Variants in GRIK2 observed in about 807,000 individuals in gnomAD.
GRIK2 encodes the protein glutamate receptor ionotropic, kainate 2.
GRIK2 carries 32 observed loss-of-function variants against 100.3 expected under a neutral mutation model. The observed-to-expected ratio is 0.32, with a 90% CI of 0.24 to 0.43. The LOEUF (loss-of-function observed/expected upper bound fraction) is 0.43, where lower values mean the gene tolerates loss of function less well. Ranked by LOEUF, GRIK2 falls within the 20% of genes least tolerant of loss-of-function variation. The pLI is 1.00. For missense variants in GRIK2, 843 were observed against 1,114.9 expected, an observed-to-expected ratio of 0.76 and a Z score of 3.47; for synonymous variants, 417 against 389.4, an observed-to-expected ratio of 1.07 and a Z score of -0.83.
At chr6:101,540,947 T>C (rs568003461) in intron 2 of GRIK2, among the ~76,000 whole-genome samples, 1 of 151,946 alleles carries the variant, frequency 6.6e-6, no homozygotes, top group South Asian at 2.1e-4. Context: ...ATTTAAGTAG[T>C]GCAAGCAAGA....
At chr6:101,701,915 C>T (rs1002415534) in intron 7 of GRIK2, among the ~76,000 whole-genome samples, 1 of 151,996 alleles carries the variant, frequency 6.6e-6, no homozygotes, top group East Asian at 1.9e-4. Flanking sequence ...TCTTAACCCA[C>T]CTTCCCCTAA....
intron 4 of GRIK2, among the ~76,000 whole-genome samples, chr6:101,629,348 G>T (rs1047139784): frequency 6.6e-6 from 1 of 151,958 alleles, no homozygotes; most frequent in African/African-American, 2.4e-5. Flanking sequence ...AAAACATATT[G>T]CTGTTCCATT....
intron 2 of GRIK2, among the ~76,000 whole-genome samples, chr6:101,556,044 A>G (rs1171802275): frequency 6.6e-6 from 1 of 152,078 alleles, no homozygotes; most frequent in Admixed American, 6.6e-5. Context: ...TTTTGTCAGT[A>G]GGCTCTCTTG....
intron 14 of GRIK2, among the ~76,000 whole-genome samples, chr6:102,018,357 C>A (rs376338156): frequency 6.6e-6 from 1 of 152,040 alleles, no homozygotes; most frequent in African/African-American, 2.4e-5. Context: ...TTTTCCTTCT[C>A]GCCAAATATG....
At chr6:101,808,120 C>G (rs1442954470) in intron 9 of GRIK2, among the ~76,000 whole-genome samples, 2 of 151,820 alleles carry the variant, frequency 1.3e-5, no homozygotes, top group Non-Finnish European at 2.9e-5. Context: ...AAGACCAGCT[C>G]TAGAGGGAAG....
chr6:101,529,574 GA>G (rs1775324541), intron 2 of GRIK2, among the ~76,000 whole-genome samples: 1 of 151,810 alleles, frequency 6.6e-6, no homozygotes, highest in Admixed American at 6.6e-5. Context: ...TCTATTTTTT[GA>G]TATTCATTAA....
At chr6:101,700,023 G>C (rs1390651209) in intron 7 of GRIK2, among the ~76,000 whole-genome samples, 1 of 151,836 alleles carries the variant, frequency 6.6e-6, no homozygotes, top group African/African-American at 2.4e-5. Flanking sequence ...AGTTTCACAC[G>C]CATGTAGTCC....
chr6:101,551,014 C>T (rs1428877539), intron 2 of GRIK2, among the ~76,000 whole-genome samples: 3 of 152,122 alleles, frequency 2.0e-5, no homozygotes, highest in Non-Finnish European at 4.4e-5. Flanking sequence ...CTAATGGAGC[C>T]TCAGCCTCAC....
chr6:101,726,885 T>C lies in GRIK2; in HGVS notation c.951+40532T>C, dbSNP rs568017338. Among the ~76,000 whole-genome samples, 29 of 152,162 alleles carry C rather than the reference T, an allele frequency of 1.9e-4. No individual in the cohort carries two copies. The South Asian group carries it at 5.6e-3, about 29-fold the overall frequency. ...TCTCCACAACATAGGAATCAAGTCATGAAAGCAGACAAAGTGATACTATAT... is the reference window on the plus strand; with the variant it reads ...TCTCCACAACATAGGAATCAAGTCACGAAAGCAGACAAAGTGATACTATAT... On this transcript the variant is annotated intron_variant, in intron 7 of 16. Transcript: ENST00000369134.
intron 10 of GRIK2, among the ~76,000 whole-genome samples, chr6:101,826,339 T>C (rs1294960060): frequency 2.0e-5 from 3 of 152,014 alleles, no homozygotes; most frequent in Non-Finnish European, 4.4e-5. Flanking sequence ...TTCTTGGGAA[T>C]GCATTAGATA....
At chr6:101,519,333 G>A (rs1291762825) in intron 2 of GRIK2, among the ~76,000 whole-genome samples, 2 of 149,934 alleles carry the variant, frequency 1.3e-5, no homozygotes, top group Non-Finnish European at 2.9e-5. Context: ...GTGTGTGTGT[G>A]TGTGTGTGTG....
intron 7 of GRIK2, among the ~76,000 whole-genome samples, chr6:101,717,220 C>G (rs1774136297): frequency 6.6e-6 from 1 of 151,464 alleles, no homozygotes; most frequent in African/African-American, 2.4e-5. Context: ...ACAATGAAAG[C>G]AGAGAAAAAA....
chr6:101,896,345 C>T (rs1349882522), intron 12 of GRIK2, among the ~76,000 whole-genome samples: 1 of 151,666 alleles, frequency 6.6e-6, no homozygotes, highest in Non-Finnish European at 1.5e-5. Flanking sequence ...TATTTTCCAC[C>T]TCTCAATTTT....
chr6:101,716,417 C>A (rs1774071216), intron 7 of GRIK2, among the ~76,000 whole-genome samples: 1 of 151,302 alleles, frequency 6.6e-6, no homozygotes, highest in Admixed American at 6.6e-5. Context: ...AATATTTAGT[C>A]TTGTTTAAAT....
intron 11 of GRIK2, among the ~76,000 whole-genome samples, chr6:101,884,043 A>T (rs541770710): frequency 6.6e-6 from 1 of 152,084 alleles, no homozygotes; most frequent in Non-Finnish European, 1.5e-5. Context: ...CCATTGTAAG[A>T]GTTCAGGCAA....
At chr6:101,566,434 CTTTCTCCTTTAAAAAAT>C (rs1777280766) in intron 2 of GRIK2, among the ~76,000 whole-genome samples, 1 of 151,942 alleles carries the variant, frequency 6.6e-6, no homozygotes. Flanking sequence ...TGTATGCAGA[CTTTCTCCTTTAAAAAAT>C]TTTCTCCTTT....
intron 2 of GRIK2, among the ~76,000 whole-genome samples, chr6:101,553,322 TA>T (rs1226128506): frequency 6.6e-6 from 1 of 152,216 alleles, no homozygotes; most frequent in Non-Finnish European, 1.5e-5. Context: ...AGAGTTACTT[TA>T]AAATGTGTTA....
At chr6:102,050,670 G>A (rs1469663323) in intron 15 of GRIK2, among the ~76,000 whole-genome samples, 3 of 143,788 alleles carry the variant, frequency 2.1e-5, no homozygotes, top group African/African-American at 7.8e-5. Flanking sequence ...AAAAAAAACG[G>A]AATAAGAAAT....
At chr6:101,913,631 T>A (rs76365531) in intron 12 of GRIK2, among the ~76,000 whole-genome samples, 1 of 151,258 alleles carries the variant, frequency 6.6e-6, no homozygotes, top group East Asian at 1.9e-4. Context: ...AAATATGGAG[T>A]AGCATATTTA....
Sources: gnomAD v4.1 joint callset for allele counts (sites outside exome capture counted in the v4.1 genomes callset) on GRCh38, gnomAD v4.1.1 for gene constraint, MANE v1.5 for transcripts, NCBI Gene and HGNC (gene_info 2026-07-23, HGNC 2026-07-21) for gene names.